The following ZNF511 variants were observed in gnomAD, a reference collection of about 807,000 sequenced individuals.
ZNF511 encodes zinc finger protein 511.
Under a neutral mutation model 24.8 loss-of-function variants are expected in ZNF511, and 26 were observed. The observed-to-expected ratio is 1.05, with a 90% CI of 0.77 to 1.46. ZNF511 has a LOEUF of 1.46. ZNF511 is among the 40% of genes most tolerant of loss of function. The pLI, the probability that ZNF511 is intolerant of heterozygous loss-of-function variation, is 0.00. For missense variants in ZNF511, 358 were observed against 345.0 expected, an observed-to-expected ratio of 1.04 and a Z score of -0.30; for synonymous variants, 144 against 139.6, an observed-to-expected ratio of 1.03 and a Z score of -0.22.
At chr10:133,310,428 C>T in intron 4 of ZNF511, 140 bp downstream of exon 4, 2 of 1,092,712 alleles carry the variant, frequency 1.8e-6, no homozygotes, top group Non-Finnish European at 2.6e-6. Flanking sequence ...GTACCTGAAG[C>T]CCTGGCAACA....
In ZNF511 at chr10:133,308,938, G is replaced by GGGGT; in HGVS notation, c.-4_-1dup. 1 of 1,224,986 alleles carries GGGGT rather than the reference G, an allele frequency of 8.2e-7. No homozygotes were observed. The highest frequency in any genetic ancestry group is 3.3e-5 in the East Asian group (1 of 30,252). 75.9% of individuals were successfully genotyped at this position (1,224,986 alleles called of 1,614,324 possible). The stretch of plus-strand genomic sequence containing the variant: ...CGACAGGCTGCGCCCGCCCGCGCCC[G>GGGGT]GGGTGATGCAGTTGCCCCCCGCGCT... On this transcript the variant is annotated 5_prime_UTR_variant, in exon 1 of 6. Coordinates refer to ENST00000361518, the MANE Select transcript of ZNF511 (RefSeq NM_145806.4).
At chr10:133,309,553 C>G in intron 2 of ZNF511, 90 bp downstream of exon 2, 1 of 1,441,718 alleles carries the variant, frequency 6.9e-7, no homozygotes, top group Non-Finnish European at 9.5e-7. Context: ...GCCGCTCTTC[C>G]ATGTGCGGCC....
intron 2 of ZNF511, 31 bp from the exon 3 acceptor site, chr10:133,309,745 G>C: frequency 6.2e-7 from 1 of 1,611,126 alleles, no homozygotes; most frequent in Non-Finnish European, 8.5e-7. Flanking sequence ...CGCACCGGAG[G>C]AAGGGCTCCT....
At chr10:133,312,343 A>G (rs895384461) in intron 5 of ZNF511, 3 of 1,163,008 alleles carry the variant, frequency 2.6e-6, no homozygotes, top group South Asian at 2.3e-5. Flanking sequence ...TTTTAAATTA[A>G]TTTGGGAAAA....
intron 1 of ZNF511, 84 bp from the exon 2 acceptor site, chr10:133,309,306 T>G: frequency 6.7e-7 from 1 of 1,502,342 alleles, no homozygotes; most frequent in Non-Finnish European, 9.0e-7. Flanking sequence ...GCGGGATGAC[T>G]GGGGCCACGG....
Position 133,309,425 on chromosome 10 carries a change from C to A in ZNF511, c.189C>A (p.Asp63Glu). The change falls in exon 2 of 6, where the codon GAC (aspartate) becomes GAA (glutamate). Residue 63 changes from aspartate to glutamate, a missense_variant. By Grantham distance (45) the Asp-to-Glu change is conservative. Transcript: ENST00000361518. ...GDVQRHLYLQ[D>E]VIMQVADVPE... ...TGCAGCGCCACCTCTACCTCCAGGA[C>A]GTGATCATGCAGGTGGCCGACGTGC... is the stretch of plus-strand genomic sequence containing the variant. 2.1e-5 allele frequency: 34 copies of A among 1,612,540 alleles called. No homozygotes were observed. Among genetic ancestry groups the A allele is most frequent in the Non-Finnish European group, 2.8e-5 (33 of 1,179,764 alleles).
chr10:133,310,331 A>G (rs371127921), intron 4 of ZNF511, 43 bp downstream of exon 4: 26 of 1,611,230 alleles, frequency 1.6e-5, no homozygotes, highest in Admixed American at 5.0e-5. Context: ...TTTTGATTTT[A>G]GGAAAAGGTT....
intron 4 of ZNF511, among the ~76,000 whole-genome samples, chr10:133,311,450 A>G (rs1847985662): frequency 6.6e-6 from 1 of 152,248 alleles, no homozygotes; most frequent in Non-Finnish European, 1.5e-5. Flanking sequence ...CGTTGGCACC[A>G]TAAAAATACT....
rs1186060009 is a variant in ZNF511 at position 133,311,704 on chromosome 10, C to T, written c.555-12C>T. ...CCGTGCAGGGCAGTTACTCACTGCT[C>T]TCTCCCCGCAGCCCAGCCTCAGCAG... On this transcript the variant is annotated splice_polypyrimidine_tract_variant and intron_variant, in intron 4 of 5. Transcript: ENST00000361518. 7 of 1,609,446 alleles carry T rather than the reference C, an allele frequency of 4.3e-6. No homozygotes were observed. Among genetic ancestry groups the T allele is most frequent in the African/African-American group, 1.3e-5 (1 of 74,882 alleles).
chr10:133,309,538 G>C (rs1564777994), intron 2 of ZNF511, 75 bp downstream of exon 2: 5 of 1,513,744 alleles, frequency 3.3e-6, no homozygotes, highest in Admixed American at 3.7e-5. Flanking sequence ...CCCTGGGGCT[G>C]TGCTGCCGCT....
chr10:133,312,162 A>ATCACCTGTGCCGTCCGCGTTTCTAGCG, intron 5 of ZNF511: 1 of 1,335,908 alleles, frequency 7.5e-7, no homozygotes. Context: ...CCTTAATAGC[A>ATCACCTGTGCCGTCCGCGTTTCTAGCG]TCACCTGTGC....
At position 133,313,096 on chromosome 10, in the gene ZNF511, TCTC is replaced by T; in HGVS notation, c.*236_*238del. ...TTGGGAAGGAGATGTGGACGGCCTG[TCTC>T]CTCCTGCAGGGCCCACCCTAAGAAT... On this transcript the variant is annotated 3_prime_UTR_variant, in exon 6 of 6. Transcript: ENST00000361518. 8.8e-7 allele frequency: 1 copy of T among 1,137,782 alleles called. No homozygotes were observed. Among genetic ancestry groups the T allele is most frequent in the South Asian group, 1.9e-5 (1 of 53,892 alleles). The allele number at this position is 1,137,782 out of a possible 1,614,324, so 70.5% of individuals were successfully genotyped here. A position where few individuals can be genotyped will look rare whatever the true frequency, so the allele number is the denominator to read the frequency against.
At chr10:133,312,199 C>T in intron 5 of ZNF511, 2 of 1,408,448 alleles carry the variant, frequency 1.4e-6, no homozygotes, top group African/African-American at 1.4e-5. Flanking sequence ...GTCACCTGTG[C>T]CGTCTGCGTT....
At chr10:133,310,315 G>T in intron 4 of ZNF511, 27 bp downstream of exon 4, 1 of 1,612,488 alleles carries the variant, frequency 6.2e-7, no homozygotes, top group Non-Finnish European at 8.5e-7. Flanking sequence ...CTCAGCACGT[G>T]TCTGCTTTTG....
At position 133,309,528 on chromosome 10, in the gene ZNF511, C is replaced by T. The variant is rs373750326; in HGVS notation, c.227+65C>T. On this transcript the variant is annotated intron_variant, in intron 2 of 5. Transcript: ENST00000361518. The stretch of plus-strand genomic sequence containing the variant: ...GCCGCCTCCCTGACCGGTGCCTGGT[C>T]CCTGGGGCTGTGCTGCCGCTCTTCC... 3.7e-5 allele frequency: 57 copies of T among 1,539,616 alleles called. No individual in the cohort carries two copies. In the East Asian group the frequency reaches 7.1e-4, roughly 19 times the overall value.
chr10:133,310,112 G>A lies in ZNF511; in HGVS notation c.430-52G>A, dbSNP rs924939199. 4.8e-5 allele frequency: 78 copies of A among 1,612,120 alleles called. 3 individuals are homozygous for A. The Admixed American group carries it at 1.1e-3, about 22-fold the overall frequency. ...TTGGCAGCTCTGCTACGGGGGCATG[G>A]CGGTGGGGGAGGGCCAGGGGTCAGA... On this transcript the variant is annotated intron_variant, in intron 3 of 5. Transcript: ENST00000361518.
Position 133,312,927 on chromosome 10 carries a change from C to A in ZNF511, c.*61C>A. On this transcript the variant is annotated 3_prime_UTR_variant, in exon 6 of 6. Coordinates refer to ENST00000361518, the MANE Select transcript of ZNF511 (RefSeq NM_145806.4). ...GCTGGGCGTGGCATCCGCCTTGGGC[C>A]TTTCTCCGACCTTCTGGTGTGGCCG... 6.2e-7 allele frequency: 1 copy of A among 1,610,708 alleles called. No individual in the cohort carries two copies. The highest frequency in any genetic ancestry group is 1.1e-5 in the South Asian group (1 of 90,970).
chr10:133,309,288 A>G, intron 1 of ZNF511, 102 bp from the exon 2 acceptor site: 18 of 1,432,508 alleles, frequency 1.3e-5, no homozygotes, highest in Non-Finnish European at 1.7e-5. Context: ...GTGGGGCGGG[A>G]CCGGAGCGCG....
rs750535514 is a variant in ZNF511, at chr10:133,310,172, C to T, written c.438C>T (p.Cys146=). ...CACGGTCTCCATTTCAGTATCAGTG[C>T]TTGGTAGAAGGCTGCACAGAGAAGT... is the stretch of plus-strand genomic sequence containing the variant. ...ILSERQDMYQ[C]LVEGCTEKFK... is the part of the protein sequence containing the mutation. The change falls in exon 4 of 6, where the codon TGC becomes TGT. Residue 146 remains cysteine (C), a synonymous_variant. Coordinates refer to ENST00000361518, the MANE Select transcript of ZNF511 (RefSeq NM_145806.4). 14 of 1,613,760 alleles carry T rather than the reference C, an allele frequency of 8.7e-6. No individual in the cohort carries two copies. The Admixed American group carries it at 2.3e-4, about 27-fold the overall frequency.
Sources: gnomAD v4.1 joint callset for allele counts (sites outside exome capture counted in the v4.1 genomes callset) on GRCh38, gnomAD v4.1.1 for gene constraint, MANE v1.5 for transcripts, NCBI Gene and HGNC (gene_info 2026-07-23, HGNC 2026-07-21) for gene names.